ABCG2: variants seen among roughly 807,000 people sequenced by gnomAD.
ABCG2 encodes ATP binding cassette subfamily G member 2 (JR blood group).
A neutral mutation model predicts 73.5 loss-of-function variants in ABCG2; 80 were observed. That is an observed-to-expected ratio of 1.09 (90% CI 0.91 to 1.31). The LOEUF is 1.31. ABCG2 is among the 50% of genes most tolerant of loss of function. ABCG2 has a pLI of 0.00. For missense variants in ABCG2, 796 were observed against 786.2 expected (o/e 1.01, Z -0.15); for synonymous variants, 269 against 282.4 (o/e 0.95, Z 0.48).
At chr4:88,195,957 T>C (rs191157291) in intron 1 of ABCG2, among the ~76,000 whole-genome samples, 1 of 152,350 alleles carries the variant, frequency 6.6e-6, no homozygotes, top group East Asian at 1.9e-4. Flanking sequence ...ATTGAGCCCA[T>C]TCGCCCAGCT....
chr4:88,209,943 T>C (rs1173010065), intron 1 of ABCG2, among the ~76,000 whole-genome samples: 1 of 152,210 alleles, frequency 6.6e-6, no homozygotes, highest in Non-Finnish European at 1.5e-5. Flanking sequence ...TTGTCAGTTA[T>C]TTTTGACTGA....
Position 88,222,811 on chromosome 4 carries a change from C to T in ABCG2, c.-20+8183G>A, listed in dbSNP as rs139961748. On this transcript the variant is annotated intron_variant, in intron 1 of 15. Transcript: ENST00000515655. ...AGATCCACCAACAGCTTGCCCCATG[C>T]ACCCGGAAAAGCTGCAGACACTCAA... is the stretch of plus-strand genomic sequence containing the variant. Among the ~76,000 whole-genome samples the T allele has an allele frequency of 8.1e-3, 1,241 of 152,284 alleles. 20 individuals are homozygous for T. Among genetic ancestry groups the T allele is most frequent in the African/African-American group, 0.028 (1,150 of 41,542 alleles).
At chr4:88,223,808 G>T in intron 1 of ABCG2, 1 of 152,710 alleles carries the variant, frequency 6.5e-6, no homozygotes, top group South Asian at 2.0e-4. Context: ...ATCTGGAGAG[G>T]GATGAAGGAG....
chr4:88,147,016 G>GGAAAGAAAGAAAGAAA (rs58050208), intron 1 of ABCG2, among the ~76,000 whole-genome samples: 3,811 of 125,212 alleles, frequency 0.03, 220 homozygotes, highest in African/African-American at 0.092. Context: ...AGAAAGAAAA[G>GGAAAGAAAGAAAGAAA]GAAAGAAAGA....
chr4:88,226,280 C>A (rs1414868789), intron 1 of ABCG2, among the ~76,000 whole-genome samples: 1 of 152,190 alleles, frequency 6.6e-6, no homozygotes, highest in Non-Finnish European at 1.5e-5. Context: ...CTGTCAGAGT[C>A]AAGTCCAAAT....
intron 6 of ABCG2, among the ~76,000 whole-genome samples, chr4:88,119,853 C>A (rs1723841159): frequency 6.6e-6 from 1 of 152,108 alleles, no homozygotes; most frequent in Non-Finnish European, 1.5e-5. Context: ...AAATTTGCAG[C>A]CTGATGATGC....
At chr4:88,182,859 G>A (rs1204588554) in intron 1 of ABCG2, among the ~76,000 whole-genome samples, 1 of 151,994 alleles carries the variant, frequency 6.6e-6, no homozygotes, top group African/African-American at 2.4e-5. Flanking sequence ...GCCAAAGCAG[G>A]CAGATCACGA....
intron 6 of ABCG2, among the ~76,000 whole-genome samples, chr4:88,121,247 A>G (rs1723946843): frequency 6.6e-6 from 1 of 152,220 alleles, no homozygotes; most frequent in African/African-American, 2.4e-5. Flanking sequence ...CTAAGAAGAA[A>G]AAGAAAAAGT....
intron 1 of ABCG2, among the ~76,000 whole-genome samples, chr4:88,210,117 T>C (rs879418026): frequency 6.6e-6 from 1 of 152,010 alleles, no homozygotes; most frequent in Admixed American, 6.6e-5. Context: ...ACATATAAGT[T>C]GGTAATAAAA....
In ABCG2 at chr4:88,131,072, C is replaced by T. The variant is rs1724829467; in HGVS notation, c.520G>A (p.Ala174Thr). The change falls in exon 5 of 16, where the codon GCA becomes ACA. Residue 174 changes from alanine to threonine, a missense_variant. Transcript: ENST00000237612. ...TTTTTCCACATTACCTTGGAGTCTG[C>T]CACTTTATCCAGACCTAACTCTTGA... ...VIQELGLDKV[A>T]DSKVGTQFIR... 1.9e-6 allele frequency: 3 copies of T among 1,613,964 alleles called. No individual in the cohort carries two copies. The highest frequency in any genetic ancestry group is 4.5e-5 in the East Asian group (2 of 44,872).
rs1251401043 is a variant in ABCG2, at chr4:88,099,334, G to T, written c.1482C>A (p.Tyr494Ter). Residue 494 changes from tyrosine to a stop codon, truncating the protein, a stop_gained, in exon 12 of 16, where the codon TAC becomes TAA. Transcript: ENST00000237612. LOFTEE classifies it high-confidence loss of function. Reference sequence around the variant, plus strand: ...TTGTTACATACTTACCTAACATGAAGTACACTATACAGGTAAATATAATAC... The same window carrying T: ...TTGTTACATACTTACCTAACATGAATTACACTATACAGGTAAATATAATAC... ...LPSIIFTCIVYFMLGLKPKAD... is the reference protein window; with the variant it reads ...LPSIIFTCIV The T allele has an allele frequency of 6.3e-7, 1 of 1,594,680 alleles. No homozygotes were observed. The highest frequency in any genetic ancestry group is 2.3e-5 in the East Asian group (1 of 44,118).
At chr4:88,192,990 G>A (rs1728758939) in intron 1 of ABCG2, among the ~76,000 whole-genome samples, 1 of 152,200 alleles carries the variant, frequency 6.6e-6, no homozygotes, top group South Asian at 2.1e-4. Context: ...TGGGATTACA[G>A]GCGTGAGCCA....
intron 1 of ABCG2, among the ~76,000 whole-genome samples, chr4:88,193,997 G>C (rs548199950): frequency 2.6e-5 from 4 of 152,040 alleles, no homozygotes; most frequent in African/African-American, 7.2e-5. Flanking sequence ...TGCCCACCTC[G>C]GCCTCCCAAC....
chr4:88,105,650 CAG>C (rs1318703008), intron 10 of ABCG2, among the ~76,000 whole-genome samples: 7 of 152,078 alleles, frequency 4.6e-5, no homozygotes, highest in Non-Finnish European at 8.8e-5. Flanking sequence ...TAAAAAGTGA[CAG>C]AAATTAGCTC....
At chr4:88,213,262 T>C (rs1729673055) in intron 1 of ABCG2, among the ~76,000 whole-genome samples, 2 of 152,226 alleles carry the variant, frequency 1.3e-5, no homozygotes, top group Non-Finnish European at 2.9e-5. Context: ...CAGTAATGCC[T>C]GACAACTCAT....
At chr4:88,143,494 G>A (rs139067550) in intron 1 of ABCG2, among the ~76,000 whole-genome samples, 17 of 152,160 alleles carry the variant, frequency 1.1e-4, no homozygotes, top group African/African-American at 4.1e-4. Context: ...CAAATAAAAG[G>A]CAACAACTAG....
chr4:88,132,069 C>T (rs1560697064), intron 3 of ABCG2, 152 bp from the exon 4 acceptor site: 3 of 590,510 alleles, frequency 5.1e-6, no homozygotes, highest in Non-Finnish European at 8.9e-6. Context: ...TCAAGAAATT[C>T]TATGGTTTAA....
chr4:88,168,998 A>T (rs1253171757), intron 1 of ABCG2, among the ~76,000 whole-genome samples: 1 of 151,706 alleles, frequency 6.6e-6, no homozygotes, highest in African/African-American at 2.4e-5. Flanking sequence ...TTCTATCATT[A>T]TATATTAGTT....
intron 10 of ABCG2, 93 bp downstream of exon 10, chr4:88,107,091 T>C: frequency 1.1e-6 from 1 of 939,810 alleles, no homozygotes; most frequent in Non-Finnish European, 1.6e-6. Context: ...ACATTTACAC[T>C]ATACTTGTCT....
Sources: allele counts gnomAD v4.1 joint callset (sites outside exome capture counted in the v4.1 genomes callset), GRCh38; gene constraint gnomAD v4.1.1; transcripts MANE v1.5; gene names NCBI Gene and HGNC (gene_info 2026-07-23, HGNC 2026-07-21).